The following AGTPBP1 variants were observed in gnomAD, a reference collection of about 807,000 sequenced individuals.
AGTPBP1 encodes the protein ATP/GTP binding carboxypeptidase 1, also known as cytosolic carboxypeptidase 1.
In AGTPBP1, 70 loss-of-function variants were observed where a neutral mutation model predicts 143.9. The observed-to-expected ratio is 0.49, with a 90% CI of 0.40 to 0.59. AGTPBP1 has a LOEUF of 0.59. Ranked by LOEUF, AGTPBP1 falls within the 20% of genes least tolerant of loss-of-function variation. The probability of loss-of-function intolerance (pLI) is 0.00; values close to 1 mark genes in which losing one functional copy is unlikely to be tolerated. For missense variants in AGTPBP1, 1,229 were observed against 1,464.5 expected (o/e 0.84, Z 2.62); for synonymous variants, 463 against 500.2 (o/e 0.93, Z 0.99).
the AGTPBP1 span, among the ~76,000 whole-genome samples, chr9:85,798,010 C>T: frequency 6.6e-6 from 1 of 152,000 alleles, no homozygotes; most frequent in Non-Finnish European, 1.5e-5. Context: ...CTCCTGCCTC[C>T]GCCTCTCAAG....
At chr9:85,787,302 T>C in the AGTPBP1 span, among the ~76,000 whole-genome samples, 12 of 152,174 alleles carry the variant, frequency 7.9e-5, no homozygotes, top group African/African-American at 2.4e-4. Context: ...AAATGAATGC[T>C]GTTCCATGGA....
intron 13 of AGTPBP1, among the ~76,000 whole-genome samples, chr9:85,636,504 C>G (rs897573676): frequency 3.9e-4 from 60 of 152,024 alleles, no homozygotes; most frequent in African/African-American, 1.4e-3. Context: ...GTGATCCCCC[C>G]TCTTGGCCTC....
chr9:85,576,359 G>A (rs967589080), intron 24 of AGTPBP1, among the ~76,000 whole-genome samples: 1 of 152,082 alleles, frequency 6.6e-6, no homozygotes, highest in African/African-American at 2.4e-5. Context: ...GAGTTCCTAT[G>A]GCACACGGTA....
the AGTPBP1 span, among the ~76,000 whole-genome samples, chr9:85,781,707 G>A: frequency 3.7e-3 from 569 of 152,206 alleles, 11 homozygotes; most frequent in East Asian, 1.5e-3. Flanking sequence ...CACAAAAAAA[G>A]ATGTATGGTA....
At chr9:85,569,659 T>C (rs2132965794) in intron 25 of AGTPBP1, among the ~76,000 whole-genome samples, 1 of 152,334 alleles carries the variant, frequency 6.6e-6, no homozygotes, top group South Asian at 2.1e-4. Context: ...GCTGAATAGC[T>C]GTACGCTAGT....
At chr9:85,627,158 T>C (rs1382796185) in intron 14 of AGTPBP1, among the ~76,000 whole-genome samples, 1 of 152,234 alleles carries the variant, frequency 6.6e-6, no homozygotes. Flanking sequence ...TATTGGTTAC[T>C]AATGAGTATC....
the AGTPBP1 span, among the ~76,000 whole-genome samples, chr9:85,783,554 C>CG: frequency 6.6e-6 from 1 of 151,768 alleles, no homozygotes; most frequent in African/African-American, 2.4e-5. Flanking sequence ...ACATCAAACT[C>CG]TGAGTTCCAT....
chr9:85,586,949 G>C lies in AGTPBP1; in HGVS notation c.2915C>G (p.Ser972Cys), dbSNP rs1255935137. 6.2e-7 allele frequency: 1 copy of C among 1,613,766 alleles called. No homozygotes were observed. The highest frequency in any genetic ancestry group is 1.7e-5 in the Admixed American group (1 of 60,010). Residue 972 changes from serine to cysteine, a missense_variant, in exon 22 of 26, where the codon TCT (serine) becomes TGT (cysteine). Ser to Cys is a moderately radical substitution (Grantham distance 112). Coordinates refer to ENST00000357081, the MANE Select transcript of AGTPBP1 (RefSeq NM_001330701.2). ...CCTATTCAAATCCTCTCCACTTAAA[G>C]AACAGCGATGACTACATGTACATAA... ...DGVINGNHRC[S>C]LSGEDLNRQW...
the AGTPBP1 span, among the ~76,000 whole-genome samples, chr9:85,793,658 T>A: frequency 6.6e-6 from 1 of 152,170 alleles, no homozygotes; most frequent in Non-Finnish European, 1.5e-5. Context: ...CTGAGTTACC[T>A]TAAGTGGTAT....
At chr9:85,804,811 C>G in the AGTPBP1 span, among the ~76,000 whole-genome samples, 57 of 152,340 alleles carry the variant, frequency 3.7e-4, no homozygotes, top group South Asian at 1.2e-3. Flanking sequence ...ATTTTCCTTA[C>G]AGAGATCTGA....
chr9:85,641,406 G>A (rs1331977832), intron 13 of AGTPBP1, among the ~76,000 whole-genome samples: 1 of 152,148 alleles, frequency 6.6e-6, no homozygotes, highest in Non-Finnish European at 1.5e-5. Flanking sequence ...TAGGTTGAAT[G>A]AAAGAGAATC....
At chr9:85,577,679 A>G (rs1321263164) in intron 24 of AGTPBP1, among the ~76,000 whole-genome samples, 1 of 152,238 alleles carries the variant, frequency 6.6e-6, no homozygotes, top group Non-Finnish European at 1.5e-5. Flanking sequence ...AGTAAGTTCT[A>G]CTTTACTACT....
the AGTPBP1 span, among the ~76,000 whole-genome samples, chr9:85,754,571 T>G: frequency 2.0e-5 from 3 of 152,184 alleles, no homozygotes; most frequent in Non-Finnish European, 4.4e-5. Flanking sequence ...GCCATTATTT[T>G]AGTGCCACCT....
chr9:85,550,826 T>C (rs371786217), intron 25 of AGTPBP1, among the ~76,000 whole-genome samples: 7 of 152,304 alleles, frequency 4.6e-5, no homozygotes, highest in African/African-American at 2.4e-5. Flanking sequence ...GACCACTCCA[T>C]GCCTCACATT....
rs117486371 is a variant in AGTPBP1, at chr9:85,593,682, G to A, written c.2424-978C>T. 2.2e-4 allele frequency among the ~76,000 whole-genome samples: 34 copies of A among 152,260 alleles called. No individual in the cohort carries two copies. The East Asian group carries it at 6.4e-3, about 28-fold the overall frequency. ...TTAAAAATTCATTGTGGAAGTATGA[G>A]TAAAAGTATAGATAAACAAAACTCA... On this transcript the variant is annotated intron_variant, in intron 18 of 25. Transcript: ENST00000357081.
intron 2 of AGTPBP1, among the ~76,000 whole-genome samples, chr9:85,704,420 G>C (rs1225926649): frequency 2.0e-5 from 3 of 152,150 alleles, no homozygotes; most frequent in Non-Finnish European, 4.4e-5. Flanking sequence ...AATACTGCTA[G>C]GTAATCACAG....
chr9:85,679,250 A>G (rs190150464), intron 4 of AGTPBP1, among the ~76,000 whole-genome samples: 217 of 152,332 alleles, frequency 1.4e-3, no homozygotes, highest in Non-Finnish European at 2.2e-3. Flanking sequence ...ATAAGTGAAA[A>G]TGTTTAAACA....
chr9:85,712,061 C>T (rs1837413711), intron 2 of AGTPBP1, among the ~76,000 whole-genome samples: 2 of 151,268 alleles, frequency 1.3e-5, no homozygotes, highest in African/African-American at 2.5e-5. Flanking sequence ...GTCAGGAGTT[C>T]GAGACCAGCC....
chr9:85,747,589 CT>C, the AGTPBP1 span, among the ~76,000 whole-genome samples: 1,181 of 152,146 alleles, frequency 7.8e-3, 19 homozygotes, highest in African/African-American at 0.027. Context: ...AGTATTTTAC[CT>C]CTTTACTTAA....
Sources: gnomAD v4.1 joint callset for allele counts (sites outside exome capture counted in the v4.1 genomes callset) on GRCh38, gnomAD v4.1.1 for gene constraint, MANE v1.5 for transcripts, NCBI Gene and HGNC (gene_info 2026-07-23, HGNC 2026-07-21) for gene names.